The following TARBP1 variants were observed in gnomAD, a reference collection of about 807,000 sequenced individuals.
TARBP1 encodes the protein tRNA guanosine 2 -O-methyltransferase TARBP1, also known as tRNA (guanosine(18)-2'-O)-methyltransferase TARBP1.
In TARBP1, 144 loss-of-function variants were observed where a neutral mutation model predicts 178.6. The ratio of observed to expected loss-of-function variants is 0.81; its 90% CI spans 0.70 to 0.93. The LOEUF (loss-of-function observed/expected upper bound fraction) is 0.93, where lower values mean the gene tolerates loss of function less well. Ranked by LOEUF, TARBP1 falls within the 40% of genes least tolerant of loss-of-function variation. The probability of loss-of-function intolerance (pLI) is 0.00; values close to 1 mark genes in which losing one functional copy is unlikely to be tolerated. For missense variants in TARBP1, 2,067 were observed against 2,011.7 expected (o/e 1.03, Z -0.53); for synonymous variants, 787 against 781.0 (o/e 1.01, Z -0.13).
intron 23 of TARBP1, among the ~76,000 whole-genome samples, chr1:234,410,070 G>C (rs1395201877): frequency 6.6e-6 from 1 of 152,138 alleles, no homozygotes; most frequent in Non-Finnish European, 1.5e-5. Flanking sequence ...AAGTTTCTTT[G>C]CACGAGCATT....
chr1:234,433,349 A>G, intron 14 of TARBP1, 61 bp downstream of exon 14: 1 of 1,521,706 alleles, frequency 6.6e-7, no homozygotes, highest in Non-Finnish European at 9.0e-7. Context: ...TAAGAACTGA[A>G]TATGTATTCC....
intron 28 of TARBP1, 191 bp from the exon 29 acceptor site, chr1:234,392,743 C>T: frequency 2.5e-6 from 1 of 405,840 alleles, no homozygotes; most frequent in Non-Finnish European, 4.2e-6. Flanking sequence ...TGGAGTCTTG[C>T]TGTGTCACCC....
intron 26 of TARBP1, among the ~76,000 whole-genome samples, chr1:234,394,915 C>A (rs1325074692): frequency 6.6e-6 from 1 of 151,648 alleles, no homozygotes; most frequent in Non-Finnish European, 1.5e-5. Flanking sequence ...CATGGTGAAA[C>A]CCCGACTCTA....
chr1:234,440,376 A>G (rs1665462137), intron 12 of TARBP1, among the ~76,000 whole-genome samples: 1 of 151,752 alleles, frequency 6.6e-6, no homozygotes, highest in Non-Finnish European at 1.5e-5. Flanking sequence ...AAAAAAATCT[A>G]TAAAAAAAAA....
intron 22 of TARBP1, 120 bp downstream of exon 22, chr1:234,417,964 T>C (rs746382976): frequency 1.6e-5 from 8 of 515,328 alleles, no homozygotes; most frequent in Non-Finnish European, 2.2e-5. Flanking sequence ...ACATAACTTA[T>C]GATGTCAATA....
At position 234,461,250 on chromosome 1, in the gene TARBP1, G is replaced by A. The variant is rs187431660; in HGVS notation, c.1400-854C>T. On this transcript the variant is annotated intron_variant, in intron 6 of 29. Transcript: ENST00000040877. ...AGTTTAGTAAGATAAGTATTCTACT[G>A]TACTATAGGGATTCTGATACCCATG... Among the ~76,000 whole-genome samples, 29 of 152,282 alleles carry A rather than the reference G, an allele frequency of 1.9e-4. No homozygotes were observed. The East Asian group carries it at 3.1e-3, about 16-fold the overall frequency.
chr1:234,460,210 A>C, intron 7 of TARBP1, 51 bp downstream of exon 7: 1 of 1,549,760 alleles, frequency 6.5e-7, no homozygotes, highest in South Asian at 1.3e-5. Context: ...ATATATATTG[A>C]TGGAAAGTCA....
At chr1:234,410,638 T>C (rs12072682) in intron 22 of TARBP1, 107 bp from the exon 23 acceptor site, 66,816 of 672,908 alleles carry the variant, frequency 0.099, 3,790 homozygotes, top group Admixed American at 0.13. Flanking sequence ...GGAGGCAGCC[T>C]CTTCCCTGGA....
intron 13 of TARBP1, among the ~76,000 whole-genome samples, chr1:234,436,682 T>A (rs1230243591): frequency 6.6e-6 from 1 of 152,206 alleles, no homozygotes; most frequent in African/African-American, 2.4e-5. Context: ...TTCAAATCAT[T>A]TCAACATTTG....
intron 8 of TARBP1, 99 bp from the exon 9 acceptor site, chr1:234,457,855 G>A (rs1667439138): frequency 2.7e-6 from 2 of 744,896 alleles, no homozygotes; most frequent in Admixed American, 3.0e-5. Flanking sequence ...ACTACTTAAA[G>A]TAGGTTATCA....
chr1:234,462,566 G>A (rs1217816517), intron 6 of TARBP1, among the ~76,000 whole-genome samples: 1 of 152,060 alleles, frequency 6.6e-6, no homozygotes, highest in Non-Finnish European at 1.5e-5. Flanking sequence ...GCGCATGCCT[G>A]TAGTCCCAGC....
chr1:234,474,980 T>G (rs1231233870), intron 1 of TARBP1, among the ~76,000 whole-genome samples: 2 of 152,242 alleles, frequency 1.3e-5, no homozygotes, highest in East Asian at 3.8e-4. Context: ...TCTGTTCTAC[T>G]TCTGGCACAG....
In TARBP1 at chr1:234,478,543, C is replaced by A; in HGVS notation, c.561G>T (p.Ala187=). 7.3e-7 allele frequency: 1 copy of A among 1,360,558 alleles called. No individual in the cohort carries two copies. Among genetic ancestry groups the A allele is most frequent in the Non-Finnish European group, 9.5e-7 (1 of 1,054,014 alleles). The allele number at this position is 1,360,558 out of a possible 1,614,324, so 84.3% of individuals were successfully genotyped here. Residue 187 remains alanine, a synonymous_variant, in exon 1 of 30, where the codon GCG becomes GCT. Transcript: ENST00000040877. ...GCAGTCGCCCGGCCACCAGCGCCGC[C>A]GCGTCCTCGGCAGGCCCGGCCTCAT... is the stretch of plus-strand genomic sequence containing the variant. ...DGDEAGPAED[A]AALVAGRLLP...
chr1:234,392,422 A>G lies in TARBP1; in HGVS notation c.4691T>C (p.Leu1564Ser). ...QYCFPEKSLL[L>S]LGNEREGIPA... The stretch of plus-strand genomic sequence containing the variant: ...GACACAAGAAGCTTCTTACCCCAAC[A>G]AGAGCAGAGATTTCTCAGGAAAGCA... Residue 1564 changes from leucine to serine, a missense_variant, in exon 29 of 30, where the codon TTG becomes TCG. Coordinates refer to ENST00000040877, the MANE Select transcript of TARBP1 (RefSeq NM_005646.4). 6.2e-7 allele frequency: 1 copy of G among 1,614,000 alleles called. No individual in the cohort carries two copies.
chr1:234,456,681 T>C (rs769352906), intron 9 of TARBP1, among the ~76,000 whole-genome samples: 2 of 152,232 alleles, frequency 1.3e-5, no homozygotes, highest in Non-Finnish European at 2.9e-5. Context: ...AGAGATCATA[T>C]GTATTATTTT....
intron 17 of TARBP1, 83 bp downstream of exon 17, chr1:234,429,053 T>C (rs909059603): frequency 7.1e-6 from 9 of 1,265,312 alleles, no homozygotes; most frequent in Admixed American, 5.9e-5. Context: ...AAAAATCTAA[T>C]TGTGAATACA....
rs35976593 is a variant in TARBP1 at position 234,474,245 on chromosome 1, AACACACACACACACACACACACAC to A, written c.932-1458_932-1435del. Among the ~76,000 whole-genome samples, 39 of 81,592 alleles carry A rather than the reference AACACACACACACACACACACACAC, an allele frequency of 4.8e-4. 1 individual carries two copies. The highest frequency in any genetic ancestry group is 1.4e-3 in the African/African-American group (35 of 24,886). The allele number at this position is 81,592 out of a possible 152,430, so 53.5% of individuals were successfully genotyped here. On this transcript the variant is annotated intron_variant, in intron 1 of 29. Coordinates refer to ENST00000040877, the MANE Select transcript of TARBP1 (RefSeq NM_005646.4). ...GGCAAGAGCGAGGATTTGTCTCTAA[AACACACACACACACACACACACAC>A]ACACACACACACACACACAAAGGGG...
chr1:234,438,848 C>G (rs969265439), intron 12 of TARBP1, among the ~76,000 whole-genome samples: 7 of 152,058 alleles, frequency 4.6e-5, no homozygotes, highest in South Asian at 2.1e-4. Context: ...AAAGGGCAAC[C>G]AAACTGCTAA....
chr1:234,464,974 G>A (rs564464129), intron 5 of TARBP1, among the ~76,000 whole-genome samples: 8 of 152,202 alleles, frequency 5.3e-5, no homozygotes, highest in African/African-American at 1.2e-4. Context: ...TGTCAGATAC[G>A]GAAAGGAAAA....
Sources: gnomAD v4.1 joint callset for allele counts (sites outside exome capture counted in the v4.1 genomes callset) on GRCh38, gnomAD v4.1.1 for gene constraint, MANE v1.5 for transcripts, NCBI Gene and HGNC (gene_info 2026-07-23, HGNC 2026-07-21) for gene names.